The following ERBB4 variants were observed in gnomAD, a reference collection of about 807,000 sequenced individuals.
ERBB4 encodes receptor tyrosine-protein kinase erbB-4.
ERBB4 carries 42 observed loss-of-function variants against 158.0 expected under a neutral mutation model. The observed-to-expected ratio is 0.27, with a 90% CI of 0.21 to 0.34. The LOEUF (loss-of-function observed/expected upper bound fraction) is 0.34, where lower values mean the gene tolerates loss of function less well. ERBB4 is among the 10% of genes least tolerant of loss of function. ERBB4 has a pLI of 1.00. For synonymous variants in ERBB4, 583 were observed against 558.7 expected, an observed-to-expected ratio of 1.04 and a Z score of -0.61; for missense variants, 1,333 against 1,624.1, an observed-to-expected ratio of 0.82 and a Z score of 3.08.
chr2:211,655,374 G>C (rs1388778713), intron 16 of ERBB4, among the ~76,000 whole-genome samples: 1 of 152,120 alleles, frequency 6.6e-6, no homozygotes, highest in Non-Finnish European at 1.5e-5. Flanking sequence ...CACTTATTGA[G>C]TGATTTCTAA....
chr2:211,773,864 C>T (rs908014993), intron 4 of ERBB4, among the ~76,000 whole-genome samples: 4 of 151,352 alleles, frequency 2.6e-5, no homozygotes, highest in African/African-American at 4.9e-5. Context: ...ATTGAACAAA[C>T]GAATCTTCAA....
chr2:211,823,403 C>A (rs2077035354), intron 3 of ERBB4, among the ~76,000 whole-genome samples: 2 of 151,616 alleles, frequency 1.3e-5, no homozygotes, highest in African/African-American at 4.8e-5. Flanking sequence ...AAGGGGTAAG[C>A]ATCTCTTAGA....
chr2:212,406,636 T>C (rs1344285762), intron 1 of ERBB4, among the ~76,000 whole-genome samples: 1 of 152,156 alleles, frequency 6.6e-6, no homozygotes, highest in Non-Finnish European at 1.5e-5. Context: ...TAATGAAACA[T>C]TCGCCTTTGT....
At position 211,630,613 on chromosome 2, in the gene ERBB4, A is replaced by G. The variant is rs537757240; in HGVS notation, c.1947-19T>C. ...GGGAGTTCTGACAACCAGAATGAGA[A>G]AAAAAAAAATAAAAAGTATGAAGAG... On this transcript the variant is annotated intron_variant, in intron 16 of 27. Transcript: ENST00000342788. 2 of 1,586,290 alleles carry G rather than the reference A, an allele frequency of 1.3e-6. No homozygotes were observed. The highest frequency in any genetic ancestry group is 1.1e-5 in the South Asian group (1 of 89,990).
chr2:211,434,072 A>G (rs2063800130), intron 20 of ERBB4, among the ~76,000 whole-genome samples: 1 of 152,228 alleles, frequency 6.6e-6, no homozygotes, highest in Admixed American at 6.5e-5. Context: ...AAGAGAATAC[A>G]CTGAGAACAA....
chr2:211,583,809 C>T (rs986228654), intron 19 of ERBB4, among the ~76,000 whole-genome samples: 1 of 151,020 alleles, frequency 6.6e-6, no homozygotes, highest in Non-Finnish European at 1.5e-5. Flanking sequence ...TATTTTTTGT[C>T]AATTATAATA....
intron 1 of ERBB4, among the ~76,000 whole-genome samples, chr2:212,532,900 C>A (rs1304984434): frequency 6.6e-6 from 1 of 152,222 alleles, no homozygotes; most frequent in East Asian, 1.9e-4. Context: ...AAAACATCCA[C>A]ATATTTCAAC....
chr2:211,677,502 G>A (rs1023393484), intron 13 of ERBB4, among the ~76,000 whole-genome samples: 7 of 151,474 alleles, frequency 4.6e-5, no homozygotes, highest in African/African-American at 1.7e-4. Context: ...GGTGGAGGTT[G>A]TGGTGAGCTG....
At chr2:211,616,229 G>A (rs1433248365) in intron 19 of ERBB4, among the ~76,000 whole-genome samples, 1 of 152,132 alleles carries the variant, frequency 6.6e-6, no homozygotes, top group East Asian at 1.9e-4. Context: ...GTAATTTTGA[G>A]GTGTATGTCC....
intron 19 of ERBB4, among the ~76,000 whole-genome samples, chr2:211,580,644 A>G (rs1374024277): frequency 6.6e-6 from 1 of 151,068 alleles, no homozygotes; most frequent in East Asian, 2.0e-4. Context: ...TAATCCCACT[A>G]CTGTGTATCT....
At chr2:212,496,842 T>C (rs1690602004) in intron 1 of ERBB4, among the ~76,000 whole-genome samples, 1 of 152,214 alleles carries the variant, frequency 6.6e-6, no homozygotes, top group Non-Finnish European at 1.5e-5. Flanking sequence ...TTTTCTCTTC[T>C]GTTTCTTGGA....
intron 20 of ERBB4, among the ~76,000 whole-genome samples, chr2:211,556,069 G>A (rs1437078329): frequency 2.0e-5 from 3 of 151,830 alleles, no homozygotes; most frequent in Admixed American, 6.6e-5. Context: ...ACAACAATAG[G>A]CTAAAATAAA....
intron 1 of ERBB4, among the ~76,000 whole-genome samples, chr2:212,536,805 C>A (rs1306053976): frequency 6.6e-6 from 1 of 152,090 alleles, no homozygotes; most frequent in Non-Finnish European, 1.5e-5. Context: ...TAGGTCGCCT[C>A]GTAGAAATTC....
chr2:211,511,729 A>G (rs1231890875), intron 20 of ERBB4, among the ~76,000 whole-genome samples: 1 of 152,108 alleles, frequency 6.6e-6, no homozygotes, highest in East Asian at 1.9e-4. Flanking sequence ...AAAGCATTAA[A>G]AAAAGAGAAA....
intron 2 of ERBB4, among the ~76,000 whole-genome samples, chr2:212,108,299 A>T (rs562751315): frequency 2.0e-5 from 3 of 152,146 alleles, no homozygotes; most frequent in African/African-American, 7.2e-5. Context: ...AAAAAGCAAA[A>T]CTATTCGTGA....
intron 1 of ERBB4, among the ~76,000 whole-genome samples, chr2:212,478,552 G>C (rs902879500): frequency 6.6e-6 from 1 of 152,084 alleles, no homozygotes; most frequent in Admixed American, 6.6e-5. Flanking sequence ...CTGAGACAGA[G>C]AGAGAGATGA....
At chr2:212,376,730 C>T (rs2106400821) in intron 1 of ERBB4, among the ~76,000 whole-genome samples, 1 of 152,098 alleles carries the variant, frequency 6.6e-6, no homozygotes, top group East Asian at 1.9e-4. Context: ...CTAGGACCCT[C>T]AGTTTTTTAG....
chr2:212,321,187 T>A (rs2087552803), intron 1 of ERBB4, among the ~76,000 whole-genome samples: 1 of 150,436 alleles, frequency 6.6e-6, no homozygotes. Flanking sequence ...GTTTTAAGTT[T>A]TATATTTTGC....
intron 4 of ERBB4, among the ~76,000 whole-genome samples, chr2:211,755,660 C>T (rs1470940577): frequency 2.0e-5 from 3 of 152,138 alleles, no homozygotes; most frequent in Non-Finnish European, 4.4e-5. Context: ...TATGCTTGTC[C>T]AGCGGATGTT....
Sources: gnomAD v4.1 joint callset for allele counts (sites outside exome capture counted in the v4.1 genomes callset) on GRCh38, gnomAD v4.1.1 for gene constraint, MANE v1.5 for transcripts, NCBI Gene and HGNC (gene_info 2026-07-23, HGNC 2026-07-21) for gene names.